The following CREBBP variants were observed in gnomAD, a reference collection of about 807,000 sequenced individuals.
CREBBP encodes the protein CREB-binding protein.
Under a neutral mutation model 265.0 loss-of-function variants are expected in CREBBP, and 19 were observed. That is an observed-to-expected ratio of 0.07 (90% CI 0.05 to 0.11). The LOEUF (loss-of-function observed/expected upper bound fraction) is 0.11, where lower values mean the gene tolerates loss of function less well. Among genes scored for constraint, CREBBP ranks in the 10% least tolerant of loss-of-function variants. The pLI is 1.00. For synonymous variants in CREBBP, 1,457 were observed against 1,223.7 expected, an observed-to-expected ratio of 1.19 and a Z score of -3.98; for missense variants, 2,525 against 3,219.0, an observed-to-expected ratio of 0.78 and a Z score of 5.22.
intron 5 of CREBBP, chr16:3,784,537 A>C (rs1002151041): frequency 6.6e-6 from 1 of 152,230 alleles, no homozygotes; most frequent in African/African-American, 2.4e-5. Flanking sequence ...CATTTTTAAG[A>C]AGCACTATGG....
rs1406933652 is a variant in CREBBP at position 3,729,877 on chromosome 16, G to A, written c.5173-3C>T. ...CAGTTGATGCAGAGGTCGTAGTCCTGCAAGCAAGGAAAGGGGACAGGCCGG... is the reference window on the plus strand; with the variant it reads ...CAGTTGATGCAGAGGTCGTAGTCCTACAAGCAAGGAAAGGGGACAGGCCGG... On this transcript the variant is annotated splice_region_variant and splice_polypyrimidine_tract_variant and intron_variant, in intron 30 of 30. Transcript: ENST00000262367. The A allele has an allele frequency of 4.4e-5, 71 of 1,600,578 alleles. No homozygotes were observed. The highest frequency in any genetic ancestry group is 6.0e-5 in the Non-Finnish European group (71 of 1,179,918).
At chr16:3,744,483 T>G (rs562189664) in intron 23 of CREBBP, among the ~76,000 whole-genome samples, 1 of 152,200 alleles carries the variant, frequency 6.6e-6, no homozygotes, top group Admixed American at 6.5e-5. Flanking sequence ...AATGCTGACT[T>G]TCATATAACA....
intron 28 of CREBBP, among the ~76,000 whole-genome samples, chr16:3,733,289 G>A (rs979936005): frequency 3.3e-5 from 5 of 151,148 alleles, no homozygotes; most frequent in African/African-American, 1.2e-4. Flanking sequence ...GTGAACCCGG[G>A]AGGCGGAGCT....
At chr16:3,790,931 G>C (rs1001954252) in intron 5 of CREBBP, among the ~76,000 whole-genome samples, 1 of 152,168 alleles carries the variant, frequency 6.6e-6, no homozygotes, top group Non-Finnish European at 1.5e-5. Flanking sequence ...GAAACAACCA[G>C]AAAGAAAAGC....
chr16:3,791,173 C>T (rs115951417), intron 5 of CREBBP: 1 of 152,970 alleles, frequency 6.5e-6, no homozygotes, highest in African/African-American at 2.4e-5. Flanking sequence ...GAATGACACA[C>T]CCAAAGACCA....
intron 3 of CREBBP, among the ~76,000 whole-genome samples, chr16:3,808,114 G>T (rs1217168605): frequency 6.8e-6 from 1 of 146,682 alleles, no homozygotes; most frequent in Admixed American, 6.8e-5. Context: ...GAGAGAGAAA[G>T]AGAGGGGGTG....
intron 8 of CREBBP, among the ~76,000 whole-genome samples, chr16:3,780,241 CAAAAAAAA>C (rs559038927): frequency 3.7e-4 from 20 of 53,696 alleles, no homozygotes; most frequent in Non-Finnish European, 1.3e-4. Flanking sequence ...GACTCTGTCT[CAAAAAAAA>C]AAAAAAAAAA....
intron 12 of CREBBP, 39 bp from the exon 13 acceptor site, chr16:3,773,969 AGCTGAC>A: frequency 1.2e-6 from 2 of 1,609,098 alleles, no homozygotes; most frequent in Non-Finnish European, 1.7e-6. Flanking sequence ...GTAGTTCGGA[AGCTGAC>A]GGCCAGAGTT....
At chr16:3,748,982 C>G (rs2052412634) in intron 21 of CREBBP, among the ~76,000 whole-genome samples, 1 of 152,254 alleles carries the variant, frequency 6.6e-6, no homozygotes, top group South Asian at 2.1e-4. Flanking sequence ...CCCGTCTCTA[C>G]TAAAAATACA....
At chr16:3,876,572 TA>T (rs1302480487) in intron 1 of CREBBP, among the ~76,000 whole-genome samples, 1 of 152,034 alleles carries the variant, frequency 6.6e-6, no homozygotes, top group Non-Finnish European at 1.5e-5. Flanking sequence ...AACACCCAAC[TA>T]ACTATATACC....
In CREBBP at chr16:3,770,687, T is replaced by A. The variant is rs2141200314; in HGVS notation, c.2763A>T (p.Ala921=). 6.2e-6 allele frequency: 10 copies of A among 1,614,038 alleles called. No individual in the cohort carries two copies. The highest frequency in any genetic ancestry group is 8.5e-6 in the Non-Finnish European group (10 of 1,179,998). ...GCTGCGGGGTCACCTGGGCCTGGGCTGCTGCCTGGACTGTAGGGGTGCTCT... is the reference window on the plus strand; with the variant it reads ...GCTGCGGGGTCACCTGGGCCTGGGCAGCTGCCTGGACTGTAGGGGTGCTCT... ...QTQSTPTVQA[A]AQAQVTPQPQ... is the part of the protein sequence containing the mutation. Residue 921 remains alanine (A), a synonymous_variant, in exon 14 of 31, where the codon GCA becomes GCT. Coordinates refer to ENST00000262367, the MANE Select transcript of CREBBP (RefSeq NM_004380.3).
chr16:3,735,902 G>T, intron 28 of CREBBP, 134 bp downstream of exon 28: 1 of 1,380,512 alleles, frequency 7.2e-7, no homozygotes, highest in Non-Finnish European at 1.0e-6. Flanking sequence ...TGTGCTGCAG[G>T]TGGTGTCGAC....
chr16:3,840,625 C>G (rs1290726163), intron 2 of CREBBP: 1 of 174,808 alleles, frequency 5.7e-6, no homozygotes, highest in Non-Finnish European at 1.2e-5. Flanking sequence ...CTCAAAACTT[C>G]TGCTCTGAGA....
intron 5 of CREBBP, among the ~76,000 whole-genome samples, chr16:3,790,021 A>AC (rs2053470872): frequency 6.6e-6 from 1 of 152,170 alleles, no homozygotes; most frequent in Non-Finnish European, 1.5e-5. Context: ...AAAAAGCCAC[A>AC]CCCCCAAATT....
In CREBBP at chr16:3,738,549, C is replaced by T. The variant is rs2151333946; in HGVS notation, c.4394+10G>A. 6.5e-7 allele frequency: 1 copy of T among 1,535,454 alleles called. No individual in the cohort carries two copies. The highest frequency in any genetic ancestry group is 9.0e-7 in the Non-Finnish European group (1 of 1,108,560). On this transcript the variant is annotated intron_variant, in intron 26 of 30. Coordinates refer to ENST00000262367, the MANE Select transcript of CREBBP (RefSeq NM_004380.3). ...TCTTACTAGTTCCAAATAATTTAAT[C>T]CAAACTCACCCTAATTTCTTCACAT...
At chr16:3,735,320 G>C (rs576205996) in intron 28 of CREBBP, among the ~76,000 whole-genome samples, 1 of 152,092 alleles carries the variant, frequency 6.6e-6, no homozygotes, top group African/African-American at 2.4e-5. Context: ...GTTCTGAAAC[G>C]GAGTCTCGCA....
rs757724663 is a variant in CREBBP at position 3,850,523 on chromosome 16, C to G, written c.572G>C (p.Ser191Thr). 7 of 1,614,140 alleles carry G rather than the reference C, an allele frequency of 4.3e-6. No homozygotes were observed. In the Admixed American group the frequency reaches 1.0e-4, roughly 23 times the overall value. Residue 191 changes from serine (S) to threonine (T), a missense_variant, in exon 2 of 31, where the codon AGT (serine) becomes ACT (threonine). Ser to Thr is a moderately conservative substitution (Grantham distance 58). Coordinates refer to ENST00000262367, the MANE Select transcript of CREBBP (RefSeq NM_004380.3). Reference protein sequence around the residue: ...FNQTHPGLLNSNSGHSLINQA... With the variant: ...FNQTHPGLLNTNSGHSLINQA... The stretch of plus-strand genomic sequence containing the variant: ...ATTAATTAAGCTATGGCCAGAGTTA[C>G]TATTGAGGAGGCCTGGGTGGGTCTG...
chr16:3,862,223 A>G (rs1361721791), intron 1 of CREBBP, among the ~76,000 whole-genome samples: 1 of 152,240 alleles, frequency 6.6e-6, no homozygotes, highest in East Asian at 1.9e-4. Context: ...AGAGGCTCTG[A>G]GCAGAAGTTT....
chr16:3,825,021 A>C (rs1192977827), intron 2 of CREBBP, among the ~76,000 whole-genome samples: 1 of 152,244 alleles, frequency 6.6e-6, no homozygotes, highest in Admixed American at 6.5e-5. Context: ...GGTGGCTCTA[A>C]GATCTCTTTG....
Sources: gnomAD v4.1 joint callset for allele counts (sites outside exome capture counted in the v4.1 genomes callset) on GRCh38, gnomAD v4.1.1 for gene constraint, MANE v1.5 for transcripts, NCBI Gene and HGNC (gene_info 2026-07-23, HGNC 2026-07-21) for gene names.